MKLN1: variants seen among roughly 807,000 people sequenced by gnomAD.
MKLN1 encodes muskelin.
Under a neutral mutation model 99.0 loss-of-function variants are expected in MKLN1, and 18 were observed. That is an observed-to-expected ratio of 0.18 (90% confidence interval 0.13 to 0.27). The LOEUF is 0.27. Ranked by LOEUF, MKLN1 falls within the 10% of genes least tolerant of loss-of-function variation. The pLI, the probability that MKLN1 is intolerant of heterozygous loss-of-function variation, is 1.00. For synonymous variants in MKLN1, 288 were observed against 293.2 expected (o/e 0.98, Z 0.18); for missense variants, 621 against 875.9 (o/e 0.71, Z 3.67).
intron 2 of MKLN1, among the ~76,000 whole-genome samples, chr7:131,192,071 A>G: frequency 9.7e-6 from 1 of 103,040 alleles, no homozygotes; most frequent in South Asian, 2.5e-4. Flanking sequence ...TATATATTAT[A>G]TATATACATA....
intron 2 of MKLN1, among the ~76,000 whole-genome samples, chr7:131,193,256 C>T (rs1340301670): frequency 6.6e-6 from 1 of 152,034 alleles, no homozygotes; most frequent in Admixed American, 6.6e-5. Context: ...TTGTTTTTTT[C>T]CTTACTATAT....
chr7:131,221,762 C>G (rs1797063979), intron 3 of MKLN1, among the ~76,000 whole-genome samples: 1 of 150,564 alleles, frequency 6.6e-6, no homozygotes, highest in South Asian at 2.1e-4. Context: ...CTTAGGTGAT[C>G]CACCCACCTT....
At chr7:131,309,568 A>G (rs1798525292) in intron 3 of MKLN1, among the ~76,000 whole-genome samples, 1 of 151,794 alleles carries the variant, frequency 6.6e-6, no homozygotes. Context: ...ACCCACCATC[A>G]CAGCTGGCTA....
chr7:131,244,383 C>A (rs1037000597), intron 3 of MKLN1, among the ~76,000 whole-genome samples: 1 of 152,166 alleles, frequency 6.6e-6, no homozygotes, highest in African/African-American at 2.4e-5. Flanking sequence ...GGCCTCCTAG[C>A]TCCCATTTGA....
intron 3 of MKLN1, among the ~76,000 whole-genome samples, chr7:131,322,165 TTGTG>T (rs902514924): frequency 2.0e-5 from 3 of 152,220 alleles, no homozygotes; most frequent in Admixed American, 6.5e-5. Flanking sequence ...ATTTTTTTGT[TTGTG>T]TGTTTGTTTT....
intron 1 of MKLN1, among the ~76,000 whole-genome samples, chr7:131,349,806 TC>T (rs1480960175): frequency 2.0e-5 from 3 of 152,222 alleles, no homozygotes; most frequent in Non-Finnish European, 2.9e-5. Context: ...TTCATTTTTG[TC>T]TAGTGAGAAT....
At chr7:131,433,070 A>G (rs1329872840) in intron 9 of MKLN1, among the ~76,000 whole-genome samples, 1 of 152,224 alleles carries the variant, frequency 6.6e-6, no homozygotes, top group Non-Finnish European at 1.5e-5. Context: ...TGTTTTTTAT[A>G]GGCATCCCTT....
At chr7:131,121,454 C>T (rs1795367608) in intron 1 of MKLN1, among the ~76,000 whole-genome samples, 2 of 151,676 alleles carry the variant, frequency 1.3e-5, no homozygotes, top group African/African-American at 2.4e-5. Flanking sequence ...CTGGTGAACA[C>T]GGTGAAACCT....
At chr7:131,137,426 T>C (rs902467024) in intron 1 of MKLN1, among the ~76,000 whole-genome samples, 4 of 152,174 alleles carry the variant, frequency 2.6e-5, no homozygotes, top group Non-Finnish European at 5.9e-5. Flanking sequence ...AGGGGAGTGA[T>C]CCATCCTGTG....
intron 3 of MKLN1, among the ~76,000 whole-genome samples, chr7:131,322,740 T>G (rs1453121628): frequency 6.7e-6 from 1 of 148,826 alleles, no homozygotes; most frequent in Non-Finnish European, 1.5e-5. Flanking sequence ...CCGGCTAATT[T>G]TTTGTATTTT....
chr7:131,295,154 A>G (rs1280120263), intron 3 of MKLN1, among the ~76,000 whole-genome samples: 1 of 152,018 alleles, frequency 6.6e-6, no homozygotes, highest in Non-Finnish European at 1.5e-5. Context: ...TTTTAATTTT[A>G]ATTTTTGCTC....
intron 3 of MKLN1, among the ~76,000 whole-genome samples, chr7:131,248,450 A>G (rs956857623): frequency 6.6e-6 from 1 of 152,150 alleles, no homozygotes; most frequent in African/African-American, 2.4e-5. Flanking sequence ...TGCAACAACA[A>G]AAAAGTCAAT....
chr7:131,284,796 G>A (rs750857700), intron 3 of MKLN1, among the ~76,000 whole-genome samples: 4 of 152,196 alleles, frequency 2.6e-5, no homozygotes, highest in Non-Finnish European at 5.9e-5. Context: ...TCACTGTGTG[G>A]AGCATTTGTG....
chr7:131,330,644 G>T (rs1455959964), intron 1 of MKLN1, among the ~76,000 whole-genome samples: 1 of 152,018 alleles, frequency 6.6e-6, no homozygotes, highest in Non-Finnish European at 1.5e-5. Context: ...TATAGTACAG[G>T]AAATCAGAAC....
chr7:131,449,403 G>C (rs894734533), intron 12 of MKLN1, among the ~76,000 whole-genome samples: 1 of 152,192 alleles, frequency 6.6e-6, no homozygotes, highest in African/African-American at 2.4e-5. Context: ...CTTGATCTAA[G>C]TTTTAACAAT....
chr7:131,132,959 G>GAAAT, intron 1 of MKLN1, among the ~76,000 whole-genome samples: 1 of 116,976 alleles, frequency 8.5e-6, no homozygotes, highest in East Asian at 2.3e-4. Flanking sequence ...AAGAAAGAAA[G>GAAAT]AAAGAAAGAA....
chr7:131,243,426 A>C (rs1412892732), intron 3 of MKLN1, among the ~76,000 whole-genome samples: 2 of 152,200 alleles, frequency 1.3e-5, no homozygotes, highest in Non-Finnish European at 2.9e-5. Flanking sequence ...CTCATGTGTT[A>C]CCCGCTTGCA....
rs116758503 is a variant in MKLN1, at chr7:131,217,016, A to C, written c.-179+14042A>C. ...GAAATGAGAGGCTAAAAAGACAGGA[A>C]TAAGAACCATGATAGTTGATTTTAA... On this transcript the variant is annotated intron_variant, in intron 3 of 7. Transcript: ENST00000416992. Among the ~76,000 whole-genome samples, 642 of 152,336 alleles carry C rather than the reference A, an allele frequency of 4.2e-3. 5 individuals carry two copies. Among genetic ancestry groups the C allele is most frequent in the African/African-American group, 0.014 (598 of 41,582 alleles).
intron 1 of MKLN1, among the ~76,000 whole-genome samples, chr7:131,338,084 T>C (rs919176443): frequency 1.9e-4 from 29 of 152,210 alleles, no homozygotes; most frequent in Non-Finnish European, 1.2e-4. Flanking sequence ...AATTAAGAGA[T>C]TGGGTATTTT....
Sources: allele counts gnomAD v4.1 joint callset (sites outside exome capture counted in the v4.1 genomes callset), GRCh38; gene constraint gnomAD v4.1.1; transcripts MANE v1.5; gene names NCBI Gene and HGNC (gene_info 2026-07-23, HGNC 2026-07-21).